ATXN1: variants seen among roughly 807,000 people sequenced by gnomAD.
The protein encoded by ATXN1 is ataxin 1, also known as ataxin-1.
A neutral mutation model predicts 56.4 loss-of-function variants in ATXN1; 8 were observed. The ratio of observed to expected loss-of-function variants is 0.14; its 90% CI spans 0.08 to 0.26. The LOEUF is 0.26. Among genes scored for constraint, ATXN1 ranks in the 10% least tolerant of loss-of-function variants. ATXN1 has a pLI of 1.00. For synonymous variants in ATXN1, 514 were observed against 494.6 expected, an observed-to-expected ratio of 1.04 and a Z score of -0.52; for missense variants, 987 against 1,106.5, an observed-to-expected ratio of 0.89 and a Z score of 1.53.
intron 3 of ATXN1, among the ~76,000 whole-genome samples, chr6:16,605,270 G>A (rs1561775425): frequency 6.6e-6 from 1 of 152,162 alleles, no homozygotes; most frequent in Non-Finnish European, 1.5e-5. Flanking sequence ...TGTGATGCGT[G>A]TAATTGCAGA....
rs1344694687 is a variant in ATXN1, at chr6:16,420,993, C to T, written c.-161+64979G>A. Among the ~76,000 whole-genome samples, 4 of 152,290 alleles carry T rather than the reference C, an allele frequency of 2.6e-5. No individual in the cohort carries two copies. In the East Asian group the frequency reaches 7.7e-4, roughly 29 times the overall value. ...CCCTGACTTACATGTGATACACACACATTTACTGGTTTATGGTAGGAAAAC... is the reference window on the plus strand; with the variant it reads ...CCCTGACTTACATGTGATACACACATATTTACTGGTTTATGGTAGGAAAAC... On this transcript the variant is annotated intron_variant, in intron 6 of 7. Transcript: ENST00000436367.
chr6:16,749,385 T>C (rs1219362704), intron 2 of ATXN1, among the ~76,000 whole-genome samples: 2 of 152,176 alleles, frequency 1.3e-5, no homozygotes, highest in African/African-American at 4.8e-5. Flanking sequence ...TAGAGGAAAA[T>C]AGAAGGATCA....
Position 16,306,836 on chromosome 6 carries a change from C to T in ATXN1, c.1941G>A (p.Glu647=). 1 of 1,610,642 alleles carries T rather than the reference C, an allele frequency of 6.2e-7. No individual in the cohort carries two copies. Among genetic ancestry groups the T allele is most frequent in the East Asian group, 2.2e-5 (1 of 44,884 alleles). ...CCTGTCCAAACACAAAAAAAGGATA[C>T]TCTACCAAAACTTCAACGCTGACCT... ...RAQVSVEVLV[E]YPFFVFGQGW... is the part of the protein sequence containing the mutation. The change falls in exon 8 of 8, where the codon GAG becomes GAA. Residue 647 remains glutamate (E), a synonymous_variant. Transcript: ENST00000436367. This position sits in a 1 kb window ranked among gnomAD's most constrained non-coding sequence, Gnocchi z 5.2.
intron 4 of ATXN1, among the ~76,000 whole-genome samples, chr6:16,526,022 C>T (rs1761385481): frequency 7.4e-6 from 1 of 135,406 alleles, no homozygotes; most frequent in Admixed American, 7.4e-5. Context: ...ATATTGTACA[C>T]ATACATATAG....
chr6:16,492,433 C>T (rs986557441), intron 5 of ATXN1, among the ~76,000 whole-genome samples: 10 of 150,448 alleles, frequency 6.6e-5, no homozygotes, highest in African/African-American at 2.4e-4. Flanking sequence ...ATAATAATAA[C>T]ATAAAAAATA....
chr6:16,463,448 T>G (rs576954941), intron 6 of ATXN1, among the ~76,000 whole-genome samples: 3 of 152,318 alleles, frequency 2.0e-5, no homozygotes, highest in Non-Finnish European at 4.4e-5. Context: ...GGAACCAGAA[T>G]AGCCAGTTTA....
chr6:16,573,472 T>C (rs1762367447), intron 4 of ATXN1, among the ~76,000 whole-genome samples: 1 of 151,224 alleles, frequency 6.6e-6, no homozygotes, highest in African/African-American at 2.5e-5. Context: ...TACCTATCTT[T>C]AATTCCTGAC....
chr6:16,406,970 A>G (rs1026191839), intron 6 of ATXN1, among the ~76,000 whole-genome samples: 2 of 152,232 alleles, frequency 1.3e-5, no homozygotes, highest in Admixed American at 1.3e-4. Flanking sequence ...CCCTTTCTGC[A>G]GAAAGTAAAA....
At chr6:16,312,803 C>T (rs1760426898) in intron 7 of ATXN1, among the ~76,000 whole-genome samples, 2 of 152,036 alleles carry the variant, frequency 1.3e-5, no homozygotes, top group South Asian at 4.1e-4. Flanking sequence ...CGATACTAAC[C>T]CCTTCGTCTC....
At chr6:16,657,623 GCT>G (rs771694702) in intron 3 of ATXN1, among the ~76,000 whole-genome samples, 151 bp downstream of exon 3, 2 of 152,164 alleles carry the variant, frequency 1.3e-5, no homozygotes, top group Non-Finnish European at 2.9e-5. Context: ...CTCTCTCAGT[GCT>G]CTGTCACTAG....
At chr6:16,402,056 G>A (rs756538645) in intron 6 of ATXN1, among the ~76,000 whole-genome samples, 11 of 152,012 alleles carry the variant, frequency 7.2e-5, no homozygotes, top group Admixed American at 1.3e-4. Flanking sequence ...CAGATCTCGT[G>A]AGACTTATCC....
chr6:16,436,076 T>G (rs1759383821), intron 6 of ATXN1, among the ~76,000 whole-genome samples: 1 of 152,032 alleles, frequency 6.6e-6, no homozygotes, highest in Non-Finnish European at 1.5e-5. Flanking sequence ...TTTTGTATTT[T>G]TAGTAGAGAT....
chr6:16,359,485 T>A (rs186731411), intron 6 of ATXN1, among the ~76,000 whole-genome samples: 25 of 151,972 alleles, frequency 1.6e-4, no homozygotes, highest in African/African-American at 5.3e-4. Flanking sequence ...CTGGAGACGA[T>A]GGGACAACCA....
At chr6:16,458,425 C>T (rs1459441001) in intron 6 of ATXN1, among the ~76,000 whole-genome samples, 2 of 152,174 alleles carry the variant, frequency 1.3e-5, no homozygotes, top group Non-Finnish European at 2.9e-5. Context: ...CCAACTCCCT[C>T]GAGGGTCAAT....
chr6:16,483,805 AC>A (rs1464226359), intron 6 of ATXN1, among the ~76,000 whole-genome samples: 1 of 152,246 alleles, frequency 6.6e-6, no homozygotes, highest in Non-Finnish European at 1.5e-5. Flanking sequence ...TAGATTTGAA[AC>A]AAAAGCTATC....
At chr6:16,652,620 A>G (rs1758088321) in intron 3 of ATXN1, among the ~76,000 whole-genome samples, 1 of 152,202 alleles carries the variant, frequency 6.6e-6, no homozygotes, top group Non-Finnish European at 1.5e-5. Context: ...CTCAAAGTCA[A>G]TTATGCAGAC....
chr6:16,381,768 A>G (rs1442478421), intron 6 of ATXN1, among the ~76,000 whole-genome samples: 1 of 152,220 alleles, frequency 6.6e-6, no homozygotes, highest in African/African-American at 2.4e-5. Context: ...CAGGTTATCC[A>G]CAGTGAACAT....
intron 4 of ATXN1, among the ~76,000 whole-genome samples, chr6:16,564,818 A>G (rs1762186961): frequency 6.6e-6 from 1 of 152,042 alleles, no homozygotes; most frequent in African/African-American, 2.4e-5. Context: ...CTGTAAATAC[A>G]CTAAAAAGCA....
chr6:16,646,616 C>T (rs1328250113), intron 3 of ATXN1, among the ~76,000 whole-genome samples: 1 of 152,252 alleles, frequency 6.6e-6, no homozygotes, highest in Non-Finnish European at 1.5e-5. Context: ...CTGCACTCTC[C>T]CTTCTCCACA....
Sources: gnomAD v4.1 joint callset for allele counts (sites outside exome capture counted in the v4.1 genomes callset) on GRCh38, gnomAD v4.1.1 for gene constraint, Gnocchi (gnomAD v3.1) non-coding constraint, MANE v1.5 for transcripts, NCBI Gene and HGNC (gene_info 2026-07-23, HGNC 2026-07-21) for gene names.